The following RAB28 variants were observed in gnomAD, a reference collection of about 807,000 sequenced individuals.
RAB28 encodes the protein ras-related protein Rab-28.
RAB28 carries 24 observed loss-of-function variants against 31.7 expected under a neutral mutation model. The observed-to-expected ratio is 0.76, with a 90% CI of 0.55 to 1.06. The LOEUF is 1.06. RAB28 is among the 50% of genes least tolerant of loss of function. The probability of loss-of-function intolerance (pLI) is 0.00; values close to 1 mark genes in which losing one functional copy is unlikely to be tolerated. For missense variants in RAB28, 254 were observed against 258.5 expected, an observed-to-expected ratio of 0.98 and a Z score of 0.12; for synonymous variants, 100 against 90.4, an observed-to-expected ratio of 1.11 and a Z score of -0.60.
In RAB28 at chr4:13,435,151, C is replaced by CA. The variant is rs763520868; in HGVS notation, c.391+25547dup. 5.0e-3 allele frequency among the ~76,000 whole-genome samples: 713 copies of CA among 143,704 alleles called. 4 individuals are homozygous for CA. Among genetic ancestry groups the CA allele is most frequent in the African/African-American group, 8.1e-3 (316 of 39,052 alleles). The allele number at this position is 143,704 out of a possible 152,430, so 94.3% of individuals were successfully genotyped here. A position where few individuals can be genotyped will look rare whatever the true frequency, so the allele number is the denominator to read the frequency against. ...TTTTGGGTAAAAAACAAAATTAAGG[C>CA]AAAAAAAAAATCCAAAAATTACTTA... On this transcript the variant is annotated intron_variant, in intron 4 of 6. Coordinates refer to ENST00000330852, the MANE Select transcript of RAB28 (RefSeq NM_001017979.3).
chr4:13,408,810 T>A (rs995589553), intron 4 of RAB28, among the ~76,000 whole-genome samples: 2 of 152,168 alleles, frequency 1.3e-5, no homozygotes, highest in Non-Finnish European at 1.5e-5. Flanking sequence ...AAAAAGGCAT[T>A]ACAAAATAAT....
chr4:13,473,715 T>C (rs892209304), intron 3 of RAB28: 1 of 271,424 alleles, frequency 3.7e-6, no homozygotes, highest in African/African-American at 2.3e-5. Context: ...GTTGCGAAAT[T>C]TATGTAATTA....
Position 13,484,079 on chromosome 4 carries a change from C to A in RAB28, c.72G>T (p.Gly24=). Residue 24 remains glycine (G), a synonymous_variant, in exon 1 of 7, where the codon GGG becomes GGT. Coordinates refer to ENST00000330852, the MANE Select transcript of RAB28 (RefSeq NM_001017979.3). ...KIVVLGDGAS[G]KTSLTTCFAQ... is the part of the protein sequence containing the mutation. ...GCGGGCCTGCTCGAGGACTGACCTT[C>A]CCGGAGGCGCCGTCCCCCAGCACGA... The A allele has an allele frequency of 6.3e-7, 1 of 1,597,118 alleles. No homozygotes were observed. Among genetic ancestry groups the A allele is most frequent in the Non-Finnish European group, 8.5e-7 (1 of 1,172,506 alleles).
chr4:13,468,033 GC>G (rs1715944253), intron 3 of RAB28, among the ~76,000 whole-genome samples: 1 of 151,838 alleles, frequency 6.6e-6, no homozygotes, highest in Non-Finnish European at 1.5e-5. Flanking sequence ...TTAAAGACTG[GC>G]ATAATAAGTC....
intron 4 of RAB28, among the ~76,000 whole-genome samples, chr4:13,384,653 C>A (rs1380812190): frequency 2.6e-5 from 4 of 152,074 alleles, no homozygotes; most frequent in Non-Finnish European, 5.9e-5. Flanking sequence ...TTGACTGAAC[C>A]CACTTTATAC....
chr4:13,402,236 T>G (rs144915099), intron 4 of RAB28, among the ~76,000 whole-genome samples: 1 of 152,214 alleles, frequency 6.6e-6, no homozygotes, highest in South Asian at 2.1e-4. Flanking sequence ...GTTCTGTAAA[T>G]GTCTATTAGG....
chr4:13,425,760 A>G (rs1713446529), intron 4 of RAB28, among the ~76,000 whole-genome samples: 1 of 152,098 alleles, frequency 6.6e-6, no homozygotes, highest in Non-Finnish European at 1.5e-5. Context: ...TTAGTTGCTT[A>G]TATTTGCTTT....
intron 4 of RAB28, among the ~76,000 whole-genome samples, chr4:13,425,484 T>C (rs183577119): frequency 1.6e-4 from 24 of 152,168 alleles, no homozygotes; most frequent in Middle Eastern, 3.4e-3. Context: ...ACCCCAACAT[T>C]GGTATATTCA....
chr4:13,479,059 T>G (rs1334625719), intron 2 of RAB28, among the ~76,000 whole-genome samples: 1 of 151,288 alleles, frequency 6.6e-6, no homozygotes, highest in Non-Finnish European at 1.5e-5. Flanking sequence ...CAAATCAAAA[T>G]AATATTTTAA....
At chr4:13,397,726 T>A (rs985596150) in intron 4 of RAB28, among the ~76,000 whole-genome samples, 1 of 152,162 alleles carries the variant, frequency 6.6e-6, no homozygotes, top group Non-Finnish European at 1.5e-5. Context: ...AAACATGTCA[T>A]GAAACTTGCG....
chr4:13,436,307 G>C (rs1714104326), intron 4 of RAB28, among the ~76,000 whole-genome samples: 1 of 152,106 alleles, frequency 6.6e-6, no homozygotes, highest in Admixed American at 6.6e-5. Flanking sequence ...AGACAAGGAA[G>C]TTCACTGTCA....
At chr4:13,438,836 A>G (rs1482051301) in intron 4 of RAB28, among the ~76,000 whole-genome samples, 2 of 152,154 alleles carry the variant, frequency 1.3e-5, no homozygotes, top group Non-Finnish European at 2.9e-5. Context: ...GAGCTGCCTA[A>G]CTGCAATTTC....
intron 3 of RAB28, among the ~76,000 whole-genome samples, chr4:13,462,666 G>T (rs745907133): frequency 3.3e-5 from 5 of 152,042 alleles, no homozygotes; most frequent in African/African-American, 4.8e-5. Flanking sequence ...TCTAAAATTC[G>T]ATATTTGAGT....
In RAB28 at chr4:13,472,606, T is replaced by A. The variant is rs75177269; in HGVS notation, c.261+1712A>T. 4.8e-4 allele frequency among the ~76,000 whole-genome samples: 73 copies of A among 151,996 alleles called. 1 individual carries two copies. The East Asian group carries it at 0.014, about 29-fold the overall frequency. ...CTATAAATCATAAAAGACTATTCTA[T>A]TTGACACCAAGAGTCAAATTTCATT... On this transcript the variant is annotated intron_variant, in intron 3 of 6. Coordinates refer to ENST00000330852, the MANE Select transcript of RAB28 (RefSeq NM_001017979.3).
At position 13,376,538 on chromosome 4, in the gene RAB28, TA is replaced by T; in HGVS notation, c.573+6del. 1 of 1,577,078 alleles carries T rather than the reference TA, an allele frequency of 6.3e-7. No homozygotes were observed. The highest frequency in any genetic ancestry group is 8.6e-7 in the Non-Finnish European group (1 of 1,162,848). Reference sequence around the variant, plus strand: ...AATTTTTTAAATATAAAGTTCAAGGTAATCACCTGTGACTGTTCTATTTCTG... The same window carrying T: ...AATTTTTTAAATATAAAGTTCAAGGTATCACCTGTGACTGTTCTATTTCTG... On this transcript the variant is annotated splice_donor_region_variant and intron_variant, in intron 6 of 6. Transcript: ENST00000330852.
intron 6 of RAB28, among the ~76,000 whole-genome samples, chr4:13,375,288 CT>C (rs1254951182): frequency 3.9e-5 from 6 of 152,192 alleles, no homozygotes; most frequent in Non-Finnish European, 7.3e-5. Context: ...CACAGTCCCC[CT>C]GGCACATAAC....
chr4:13,476,618 T>C (rs1050220859), intron 2 of RAB28, among the ~76,000 whole-genome samples: 6 of 151,566 alleles, frequency 4.0e-5, no homozygotes, highest in African/African-American at 1.4e-4. Flanking sequence ...CATGAGGATA[T>C]GATTCAAATC....
At chr4:13,469,439 A>C (rs1251855673) in intron 3 of RAB28, among the ~76,000 whole-genome samples, 3 of 151,924 alleles carry the variant, frequency 2.0e-5, no homozygotes, top group Admixed American at 6.6e-5. Flanking sequence ...TGACCTTTGG[A>C]AATCAGATTT....
Position 13,458,896 on chromosome 4 carries a change from T to A in RAB28, c.391+1803A>T, listed in dbSNP as rs145486239. Among the ~76,000 whole-genome samples, 732 of 152,276 alleles carry A rather than the reference T, an allele frequency of 4.8e-3. 5 individuals are homozygous for A. Among genetic ancestry groups the A allele is most frequent in the African/African-American group, 0.016 (685 of 41,558 alleles). ...TCTATGTGATGGTAAATATTAAGTGTCAACTTGATTGGCGTGAAGGATGCA... is the reference window on the plus strand; with the variant it reads ...TCTATGTGATGGTAAATATTAAGTGACAACTTGATTGGCGTGAAGGATGCA... On this transcript the variant is annotated intron_variant, in intron 4 of 6. Transcript: ENST00000330852.
Sources: allele counts gnomAD v4.1 joint callset (sites outside exome capture counted in the v4.1 genomes callset), GRCh38; gene constraint gnomAD v4.1.1; transcripts MANE v1.5; gene names NCBI Gene and HGNC (gene_info 2026-07-23, HGNC 2026-07-21).